CSMD1: variants seen among roughly 807,000 people sequenced by gnomAD.
CSMD1 encodes the protein CUB and Sushi multiple domains 1.
CSMD1 carries 213 observed loss-of-function variants against 417.5 expected under a neutral mutation model. The observed-to-expected ratio is 0.51, with a 90% confidence interval of 0.46 to 0.57. The LOEUF is 0.57. CSMD1 is among the 20% of genes least tolerant of loss of function. CSMD1 has a pLI of 0.00. For synonymous variants in CSMD1, 2,862 were observed against 1,736.8 expected (o/e 1.65, Z -16.11); for missense variants, 6,923 against 4,529.7 (o/e 1.53, Z -15.17).
chr8:4,775,489 A>G (rs1251356857), intron 1 of CSMD1, among the ~76,000 whole-genome samples: 1 of 152,252 alleles, frequency 6.6e-6, no homozygotes, highest in African/African-American at 2.4e-5. Context: ...AGGGTATAAA[A>G]TAAGCAATCA....
In CSMD1 at chr8:2,938,444, C is replaced by T. The variant is rs1311179758; in HGVS notation, c.*141G>A. The T allele has an allele frequency of 1.3e-6, 1 of 761,502 alleles. No homozygotes were observed. Among genetic ancestry groups the T allele is most frequent in the Non-Finnish European group, 2.1e-6 (1 of 478,290 alleles). 47.2% of individuals were successfully genotyped at this position (761,502 alleles called of 1,614,324 possible). ...TGACACATTTGAGTAGAGATCCCCGCTGCACTTATGCCAGTAGACAAGGTT... is the reference window on the plus strand; with the variant it reads ...TGACACATTTGAGTAGAGATCCCCGTTGCACTTATGCCAGTAGACAAGGTT... On this transcript the variant is annotated 3_prime_UTR_variant, in exon 70 of 70. Transcript: ENST00000635120.
At chr8:4,677,567 A>T (rs1340779230) in intron 1 of CSMD1, among the ~76,000 whole-genome samples, 1 of 152,158 alleles carries the variant, frequency 6.6e-6, no homozygotes, top group Non-Finnish European at 1.5e-5. Flanking sequence ...ACTCACTTTG[A>T]TGCTTTCATA....
intron 3 of CSMD1, among the ~76,000 whole-genome samples, chr8:4,378,077 C>G (rs1012825446): frequency 6.6e-6 from 1 of 152,130 alleles, no homozygotes; most frequent in Non-Finnish European, 1.5e-5. Context: ...TTACAGACTC[C>G]GAAGGTGAAG....
At chr8:3,198,966 G>C (rs1796845608) in intron 33 of CSMD1, among the ~76,000 whole-genome samples, 1 of 152,140 alleles carries the variant, frequency 6.6e-6, no homozygotes. Context: ...CTCTGAACAA[G>C]ATCATTTCTT....
At chr8:3,779,795 C>G (rs185897659) in intron 5 of CSMD1, among the ~76,000 whole-genome samples, 187 of 152,228 alleles carry the variant, frequency 1.2e-3, no homozygotes, top group African/African-American at 4.3e-3. Flanking sequence ...AGATTAACAT[C>G]CAGAAATATT....
chr8:3,276,231 T>G (rs939009650), intron 26 of CSMD1, among the ~76,000 whole-genome samples: 1 of 152,154 alleles, frequency 6.6e-6, no homozygotes, highest in African/African-American at 2.4e-5. Flanking sequence ...GCCTCTCAGT[T>G]AGGCTTCTTG....
At chr8:3,026,212 G>A (rs187389608) in intron 51 of CSMD1, among the ~76,000 whole-genome samples, 277 of 152,244 alleles carry the variant, frequency 1.8e-3, no homozygotes, top group Non-Finnish European at 3.1e-3. Flanking sequence ...GGGGACAGAG[G>A]GCCAGGAGCT....
chr8:3,109,974 A>T (rs1383969364), intron 43 of CSMD1, among the ~76,000 whole-genome samples, 184 bp downstream of exon 43: 1 of 152,186 alleles, frequency 6.6e-6, no homozygotes, highest in Non-Finnish European at 1.5e-5. Context: ...TCTACCATGT[A>T]GCAAAACCCA....
chr8:3,521,999 G>C (rs142942364), intron 10 of CSMD1, among the ~76,000 whole-genome samples: 1 of 152,128 alleles, frequency 6.6e-6, no homozygotes, highest in Non-Finnish European at 1.5e-5. Context: ...GTGTAAACAA[G>C]TATTTGCATT....
chr8:3,403,775 T>C (rs1257186125), intron 15 of CSMD1, among the ~76,000 whole-genome samples: 1 of 152,216 alleles, frequency 6.6e-6, no homozygotes, highest in African/African-American at 2.4e-5. Flanking sequence ...AACTGTGCCC[T>C]ATCATTAGTA....
chr8:4,444,194 T>A (rs1798646569), intron 2 of CSMD1, among the ~76,000 whole-genome samples: 1 of 151,582 alleles, frequency 6.6e-6, no homozygotes, highest in African/African-American at 2.4e-5. Flanking sequence ...ATATAAAAAC[T>A]AGCCAGGCAT....
intron 5 of CSMD1, among the ~76,000 whole-genome samples, chr8:3,987,604 G>A (rs1469216842): frequency 5.3e-5 from 8 of 152,148 alleles, no homozygotes; most frequent in African/African-American, 1.9e-4. Context: ...TCACTCTAAG[G>A]CCAATTCTGA....
chr8:4,158,089 CTTT>C (rs57117925), intron 3 of CSMD1, among the ~76,000 whole-genome samples: 1 of 142,070 alleles, frequency 7.0e-6, no homozygotes. Context: ...CAAGAAAACC[CTTT>C]TTTTTTTTTT....
intron 25 of CSMD1, among the ~76,000 whole-genome samples, chr8:3,290,811 C>T (rs1193865716): frequency 6.7e-6 from 1 of 148,546 alleles, no homozygotes; most frequent in Non-Finnish European, 1.5e-5. Context: ...ATTGAATACT[C>T]TTTATTTCTT....
At chr8:3,954,501 G>A (rs1811804244) in intron 5 of CSMD1, among the ~76,000 whole-genome samples, 1 of 152,146 alleles carries the variant, frequency 6.6e-6, no homozygotes, top group South Asian at 2.1e-4. Flanking sequence ...TGAGTAGCTG[G>A]GATTACAGGC....
At chr8:4,594,548 TAGG>T (rs1800157788) in intron 2 of CSMD1, among the ~76,000 whole-genome samples, 1 of 152,136 alleles carries the variant, frequency 6.6e-6, no homozygotes, top group African/African-American at 2.4e-5. Context: ...TATTGGGATT[TAGG>T]AATTTGATGT....
chr8:4,118,625 A>G (rs1802299352), intron 3 of CSMD1, among the ~76,000 whole-genome samples: 1 of 152,224 alleles, frequency 6.6e-6, no homozygotes, highest in Non-Finnish European at 1.5e-5. Context: ...ACTTAGGAAC[A>G]CATTTTACAC....
At chr8:3,335,269 A>G (rs1807181523) in intron 23 of CSMD1, among the ~76,000 whole-genome samples, 1 of 152,162 alleles carries the variant, frequency 6.6e-6, no homozygotes, top group East Asian at 1.9e-4. Context: ...CCAACCTCTC[A>G]GTCACTGTGA....
intron 5 of CSMD1, among the ~76,000 whole-genome samples, chr8:3,942,067 G>C (rs1266987953): frequency 6.6e-6 from 1 of 151,900 alleles, no homozygotes; most frequent in Non-Finnish European, 1.5e-5. Flanking sequence ...GGGCATGCAA[G>C]GGATCTAGGT....
Sources: gnomAD v4.1 joint callset for allele counts (sites outside exome capture counted in the v4.1 genomes callset) on GRCh38, gnomAD v4.1.1 for gene constraint, MANE v1.5 for transcripts, NCBI Gene and HGNC (gene_info 2026-07-23, HGNC 2026-07-21) for gene names.